The following NXPE4 variants were observed in gnomAD, a reference collection of about 807,000 sequenced individuals.
NXPE4 encodes NXPE family member 4.
NXPE4 carries 42 observed loss-of-function variants against 33.3 expected under a neutral mutation model. That is an observed-to-expected ratio of 1.26 (90% confidence interval 0.98 to 1.63). The LOEUF (loss-of-function observed/expected upper bound fraction) is 1.63. Among genes scored for constraint, NXPE4 ranks in the 40% most tolerant of loss-of-function variants. NXPE4 has a pLI of 0.00. For missense variants in NXPE4, 709 were observed against 647.6 expected (o/e 1.09, Z -1.03); for synonymous variants, 253 against 234.9 (o/e 1.08, Z -0.71).
At chr11:114,577,468 G>A (rs1591331224) in intron 5 of NXPE4, among the ~76,000 whole-genome samples, 1 of 152,058 alleles carries the variant, frequency 6.6e-6, no homozygotes, top group African/African-American at 2.4e-5. Context: ...CGGGCGATGG[G>A]TGCATCAAAA....
chr11:114,593,424 T>C (rs1425596481), intron 2 of NXPE4, among the ~76,000 whole-genome samples: 1 of 152,118 alleles, frequency 6.6e-6, no homozygotes, highest in Non-Finnish European at 1.5e-5. Flanking sequence ...TATGAAAAGG[T>C]GCTCAACATC....
At chr11:114,603,171 C>T in the NXPE4 span, among the ~76,000 whole-genome samples, 4 of 151,374 alleles carry the variant, frequency 2.6e-5, no homozygotes, top group South Asian at 2.1e-4. Flanking sequence ...ACTACTATTA[C>T]CTGGTGGATG....
chr11:114,626,154 C>T, the NXPE4 span, among the ~76,000 whole-genome samples: 9 of 152,146 alleles, frequency 5.9e-5, no homozygotes, highest in East Asian at 1.9e-4. Context: ...CCGGGAAGCT[C>T]GAACTGGGTG....
chr11:114,605,208 TATTGCCTCGTGGGTA>T, the NXPE4 span, among the ~76,000 whole-genome samples: 1 of 151,842 alleles, frequency 6.6e-6, no homozygotes, highest in Non-Finnish European at 1.5e-5. Flanking sequence ...GGATAATAAG[TATTGCCTCGTGGGTA>T]ACTGCTGTTA....
the NXPE4 span, among the ~76,000 whole-genome samples, chr11:114,615,980 C>T: frequency 2.6e-5 from 4 of 151,428 alleles, no homozygotes; most frequent in East Asian, 5.8e-4. Flanking sequence ...AGTATTCTCT[C>T]GTGGAAAAGC....
At chr11:114,646,525 A>T in the NXPE4 span, among the ~76,000 whole-genome samples, 18 of 152,108 alleles carry the variant, frequency 1.2e-4, no homozygotes, top group South Asian at 1.5e-3. Context: ...GTAATTTTTT[A>T]AAAAACCTGA....
the NXPE4 span, among the ~76,000 whole-genome samples, chr11:114,604,627 CT>C: frequency 2.0e-5 from 3 of 151,982 alleles, no homozygotes; most frequent in South Asian, 2.1e-4. Flanking sequence ...TAAGTATTGC[CT>C]TGTGGGTAAC....
chr11:114,633,980 T>C, the NXPE4 span, among the ~76,000 whole-genome samples: 1 of 151,980 alleles, frequency 6.6e-6, no homozygotes, highest in African/African-American at 2.4e-5. Context: ...ATATACCCAG[T>C]AATGGGATGG....
chr11:114,624,608 C>T, the NXPE4 span, among the ~76,000 whole-genome samples: 42 of 151,804 alleles, frequency 2.8e-4, no homozygotes, highest in African/African-American at 1.0e-3. Context: ...TAAGTATTGC[C>T]TCATGGGCAA....
At chr11:114,658,753 G>A in the NXPE4 span, among the ~76,000 whole-genome samples, 1 of 152,186 alleles carries the variant, frequency 6.6e-6, no homozygotes, top group Non-Finnish European at 1.5e-5. Context: ...TTCTAATGCT[G>A]TGGAGAAGAG....
chr11:114,621,774 T>G, the NXPE4 span, among the ~76,000 whole-genome samples: 3 of 152,156 alleles, frequency 2.0e-5, no homozygotes, highest in African/African-American at 7.2e-5. Flanking sequence ...GCCTCATGGG[T>G]AACCACTGTT....
At chr11:114,624,887 GATA>G in the NXPE4 span, among the ~76,000 whole-genome samples, 2 of 152,152 alleles carry the variant, frequency 1.3e-5, no homozygotes, top group African/African-American at 4.8e-5. Flanking sequence ...TAACCTGGTG[GATA>G]ATAAGTGTGG....
intron 2 of NXPE4, among the ~76,000 whole-genome samples, chr11:114,586,565 G>C (rs1002844358): frequency 6.6e-6 from 1 of 152,176 alleles, no homozygotes; most frequent in East Asian, 1.9e-4. Flanking sequence ...ATGTCCTCAG[G>C]GTGCTGGGAA....
At chr11:114,593,089 G>A (rs1949498484) in intron 2 of NXPE4, among the ~76,000 whole-genome samples, 1 of 152,030 alleles carries the variant, frequency 6.6e-6, no homozygotes, top group African/African-American at 2.4e-5. Flanking sequence ...GAAAACCTAG[G>A]GAATACTGTT....
intron 2 of NXPE4, among the ~76,000 whole-genome samples, chr11:114,586,920 G>T (rs891984995): frequency 6.6e-6 from 1 of 152,118 alleles, no homozygotes; most frequent in African/African-American, 2.4e-5. Flanking sequence ...TGGGATTGCC[G>T]TTTTTGTGAT....
At chr11:114,642,081 A>T in the NXPE4 span, among the ~76,000 whole-genome samples, 1 of 152,114 alleles carries the variant, frequency 6.6e-6, no homozygotes, top group Non-Finnish European at 1.5e-5. Flanking sequence ...GAGAAAGATT[A>T]ACTTCCAAAG....
At chr11:114,577,032 TATATATATAAAGTTATATATATATAC>T (rs1949015505) in intron 5 of NXPE4, among the ~76,000 whole-genome samples, 1 of 30,818 alleles carries the variant, frequency 3.2e-5, no homozygotes, top group African/African-American at 1.6e-4. Context: ...TATATACATA[TATATATATAAAGTTATATATATATAC>T]ATATATATAT....
chr11:114,601,966 T>A, the NXPE4 span, among the ~76,000 whole-genome samples: 1 of 85,002 alleles, frequency 1.2e-5, no homozygotes, highest in African/African-American at 4.7e-5. Context: ...TATTATATAT[T>A]ATATATTCTG....
At chr11:114,632,332 C>T in the NXPE4 span, among the ~76,000 whole-genome samples, 1 of 132,122 alleles carries the variant, frequency 7.6e-6, no homozygotes, top group East Asian at 2.0e-4. Flanking sequence ...CACTGGGTAA[C>T]ATAATAGAAT....
Sources: gnomAD v4.1 joint callset for allele counts (sites outside exome capture counted in the v4.1 genomes callset) on GRCh38, gnomAD v4.1.1 for gene constraint, MANE v1.5 for transcripts, NCBI Gene and HGNC (gene_info 2026-07-23, HGNC 2026-07-21) for gene names.